Variants in CCDC150 observed in about 807,000 individuals in gnomAD.
CCDC150 encodes the protein coiled-coil domain-containing protein 150.
CCDC150 carries 151 observed loss-of-function variants against 156.5 expected under a neutral mutation model. The observed-to-expected ratio is 0.97, with a 90% CI of 0.85 to 1.10. The LOEUF is 1.10. Among genes scored for constraint, CCDC150 ranks in the 50% least tolerant of loss-of-function variants. The pLI is 0.00. For missense variants in CCDC150, 1,312 were observed against 1,268.1 expected (o/e 1.03, Z -0.53); for synonymous variants, 452 against 429.4 (o/e 1.05, Z -0.65).
At position 196,666,177 on chromosome 2, in the gene CCDC150, CATG is replaced by C. The variant is rs1693828394; in HGVS notation, c.762+497_762+499del. Among the ~76,000 whole-genome samples the C allele has an allele frequency of 2.0e-5, 3 of 152,284 alleles. No individual in the cohort carries two copies. The South Asian group carries it at 6.2e-4, about 32-fold the overall frequency. On this transcript the variant is annotated intron_variant, in intron 6 of 27. Coordinates refer to ENST00000389175, the MANE Select transcript of CCDC150 (RefSeq NM_001080539.2). ...TTTCAATTATCATTATTTATTTTAA[CATG>C]ATATTTTGCCTTCATATTTGTTATT...
At chr2:196,721,273 A>G (rs775473504) in intron 20 of CCDC150, among the ~76,000 whole-genome samples, 20 of 143,222 alleles carry the variant, frequency 1.4e-4, no homozygotes, top group South Asian at 2.3e-4. Context: ...CTGGTGACCA[A>G]TGGAGCATGG....
intron 17 of CCDC150, among the ~76,000 whole-genome samples, chr2:196,714,139 G>T (rs2125695008): frequency 6.6e-6 from 1 of 152,296 alleles, no homozygotes; most frequent in South Asian, 2.1e-4. Context: ...TTACCGGAAG[G>T]AGGGCTGTGA....
intron 2 of CCDC150, 33 bp from the exon 3 acceptor site, chr2:196,656,600 G>A: frequency 7.0e-7 from 1 of 1,436,674 alleles, no homozygotes; most frequent in Admixed American, 2.0e-5. Flanking sequence ...AAATTGCATT[G>A]CATAATATTG....
intron 15 of CCDC150, among the ~76,000 whole-genome samples, chr2:196,707,397 A>AT (rs1179539959): frequency 1.3e-5 from 2 of 150,776 alleles, no homozygotes; most frequent in Non-Finnish European, 3.0e-5. Flanking sequence ...ATTCTTCTCT[A>AT]TTTTTTTCTT....
At chr2:196,724,581 A>C (rs540920492) in intron 21 of CCDC150, among the ~76,000 whole-genome samples, 29 of 152,138 alleles carry the variant, frequency 1.9e-4, no homozygotes, top group Non-Finnish European at 3.4e-4. Flanking sequence ...TTTGAAGATA[A>C]GGAAACAAGC....
rs758135093 is a variant in CCDC150 at position 196,646,504 on chromosome 2, G to A, written c.176G>A (p.Arg59Lys). 6 of 1,612,124 alleles carry A rather than the reference G, an allele frequency of 3.7e-6. No individual in the cohort carries two copies. The highest frequency in any genetic ancestry group is 4.2e-6 in the Non-Finnish European group (5 of 1,178,712). The change falls in exon 2 of 28, where the codon AGA (arginine) becomes AAA (lysine). Residue 59 changes from arginine to lysine, a missense_variant and splice_region_variant. Arg to Lys is a conservative substitution (Grantham distance 26). Coordinates refer to ENST00000389175, the MANE Select transcript of CCDC150 (RefSeq NM_001080539.2). ...ATAATGTTGGATTTTGGTGAAAAAA[G>A]GTAACAAAAATGAACTACATCTCTG... ...DLIMLDFGEK[R>K]GYLEAPDCLE...
At chr2:196,719,351 T>G in intron 18 of CCDC150, 146 bp from the exon 19 acceptor site, 1 of 586,010 alleles carries the variant, frequency 1.7e-6, no homozygotes, top group Admixed American at 3.8e-5. Context: ...CACCTAAAAA[T>G]AAAATATACT....
intron 13 of CCDC150, among the ~76,000 whole-genome samples, chr2:196,687,573 C>G (rs892137563): frequency 1.3e-5 from 2 of 152,090 alleles, no homozygotes; most frequent in African/African-American, 2.4e-5. Context: ...GTGATAGTTT[C>G]TTTTGCTATG....
rs1040822540 is a variant in CCDC150 at position 196,672,393 on chromosome 2, A to G, written c.985A>G (p.Arg329Gly). The change falls in exon 9 of 28, where the codon AGG (arginine) becomes GGG (glycine). Residue 329 changes from arginine (R) to glycine (G), a missense_variant. Physicochemically the swap from Arg to Gly is moderately radical, Grantham distance 125. Transcript: ENST00000389175. ...NKEHEENAYL[R>G]SEIMSLHEAS... ...GGAACATGAAGAAAATGCATATTTG[A>G]GGTCCGAAATAATGTCTCTTCATGA... 1 of 1,549,762 alleles carries G rather than the reference A, an allele frequency of 6.5e-7. No individual in the cohort carries two copies.
At chr2:196,703,646 T>C (rs1282426978) in intron 15 of CCDC150, among the ~76,000 whole-genome samples, 1 of 152,196 alleles carries the variant, frequency 6.6e-6, no homozygotes, top group Non-Finnish European at 1.5e-5. Flanking sequence ...TTTAACCTTT[T>C]TTTAGTTTTT....
At chr2:196,711,310 C>T (rs1001728570) in intron 15 of CCDC150, among the ~76,000 whole-genome samples, 6 of 152,108 alleles carry the variant, frequency 3.9e-5, no homozygotes, top group Non-Finnish European at 7.4e-5. Flanking sequence ...TTTCTAACAC[C>T]CCATTCAAAT....
chr2:196,732,675 G>A lies in CCDC150; in HGVS notation c.*113G>A. 1.4e-6 allele frequency: 1 copy of A among 710,400 alleles called. No individual in the cohort carries two copies. The highest frequency in any genetic ancestry group is 2.5e-6 in the Non-Finnish European group (1 of 407,838). The allele number at this position is 710,400 out of a possible 1,614,324, so 44.0% of individuals were successfully genotyped here. On this transcript the variant is annotated 3_prime_UTR_variant, in exon 28 of 28. Transcript: ENST00000389175. ...ATAAGAACATGAAGTCTTTGATGTG[G>A]GCTGAAGATTTTGGACCTGAGTTTA...
At chr2:196,694,707 C>T (rs920907709) in intron 13 of CCDC150, among the ~76,000 whole-genome samples, 2 of 151,902 alleles carry the variant, frequency 1.3e-5, no homozygotes, top group African/African-American at 4.8e-5. Flanking sequence ...ACTAAAAATA[C>T]AAAAATTAGC....
intron 17 of CCDC150, among the ~76,000 whole-genome samples, chr2:196,714,550 G>C (rs1697366775): frequency 6.6e-6 from 1 of 152,166 alleles, no homozygotes; most frequent in South Asian, 2.1e-4. Context: ...TTGTAAGTTG[G>C]TGTTAATTGG....
intron 13 of CCDC150, 57 bp downstream of exon 13, chr2:196,677,418 A>G: frequency 3.6e-6 from 4 of 1,105,186 alleles, no homozygotes; most frequent in Admixed American, 2.0e-5. Flanking sequence ...ATTGCTGACT[A>G]CCGTATCAGC....
intron 7 of CCDC150, chr2:196,667,915 T>C (rs1198770640): frequency 1.3e-5 from 2 of 152,214 alleles, no homozygotes. Flanking sequence ...CCTACAAAAA[T>C]ACATGTATAT....
At chr2:196,697,511 A>G (rs1297367029) in intron 14 of CCDC150, among the ~76,000 whole-genome samples, 1 of 152,192 alleles carries the variant, frequency 6.6e-6, no homozygotes, top group Non-Finnish European at 1.5e-5. Flanking sequence ...CCAGACAGGA[A>G]TATAATTCCC....
chr2:196,649,536 G>A (rs1021532068), intron 2 of CCDC150, among the ~76,000 whole-genome samples: 5 of 152,300 alleles, frequency 3.3e-5, no homozygotes, highest in Non-Finnish European at 5.9e-5. Flanking sequence ...GCCTAGGTAC[G>A]GAGAGGGCTA....
At chr2:196,674,652 C>T (rs991907409) in intron 10 of CCDC150, among the ~76,000 whole-genome samples, 7 of 25,930 alleles carry the variant, frequency 2.7e-4, no homozygotes, top group African/African-American at 1.9e-3. Flanking sequence ...TTTCCTCAAA[C>T]ACCTTGCCGA....
Sources: gnomAD v4.1 joint callset for allele counts (sites outside exome capture counted in the v4.1 genomes callset) on GRCh38, gnomAD v4.1.1 for gene constraint, MANE v1.5 for transcripts, NCBI Gene and HGNC (gene_info 2026-07-23, HGNC 2026-07-21) for gene names.